Variants in ACSM4 observed in about 807,000 individuals in gnomAD.
ACSM4 encodes acyl-coenzyme A synthetase ACSM4, mitochondrial.
Under a neutral mutation model 73.0 loss-of-function variants are expected in ACSM4, and 66 were observed. The ratio of observed to expected loss-of-function variants is 0.90; its 90% CI spans 0.74 to 1.11. The LOEUF (loss-of-function observed/expected upper bound fraction) is 1.11, where lower values mean the gene tolerates loss of function less well. Among genes scored for constraint, ACSM4 ranks in the 50% least tolerant of loss-of-function variants. The pLI is 0.00. For missense variants in ACSM4, 645 were observed against 714.4 expected, an observed-to-expected ratio of 0.90 and a Z score of 1.11; for synonymous variants, 222 against 254.0, an observed-to-expected ratio of 0.87 and a Z score of 1.20.
chr12:7,309,122 G>A (rs948524327), intron 2 of ACSM4, among the ~76,000 whole-genome samples: 3 of 151,978 alleles, frequency 2.0e-5, no homozygotes, highest in Non-Finnish European at 2.9e-5. Flanking sequence ...AATCTAATTC[G>A]GCCATGTATG....
chr12:7,314,686 T>G (rs1056799912), intron 3 of ACSM4, among the ~76,000 whole-genome samples: 1 of 152,184 alleles, frequency 6.6e-6, no homozygotes, highest in Non-Finnish European at 1.5e-5. Context: ...GTTTCCATAC[T>G]GGATTGAGAA....
rs145331408 is a variant in ACSM4, at chr12:7,322,819, T to A, written c.1125+278T>A. ...AGGTTCAGAACTGAGCAGCTCATCT[T>A]TCCACTGTGCTGGGAATAATCCTCT... On this transcript the variant is annotated intron_variant, in intron 7 of 12. Coordinates refer to ENST00000399422, the MANE Select transcript of ACSM4 (RefSeq NM_001080454.2). Among the ~76,000 whole-genome samples, 447 of 152,290 alleles carry A rather than the reference T, an allele frequency of 2.9e-3. 3 individuals are homozygous for A. Among genetic ancestry groups the A allele is most frequent in the South Asian group, 0.01 (50 of 4,828 alleles).
intron 11 of ACSM4, among the ~76,000 whole-genome samples, chr12:7,326,431 A>G (rs544342060): frequency 2.6e-5 from 4 of 152,144 alleles, no homozygotes; most frequent in Non-Finnish European, 4.4e-5. Flanking sequence ...GCTGGTTTCA[A>G]ACTCCGGGGC....
chr12:7,323,696 C>T, intron 9 of ACSM4, 136 bp downstream of exon 9: 1 of 751,382 alleles, frequency 1.3e-6, no homozygotes, highest in Non-Finnish European at 2.2e-6. Flanking sequence ...TATCATCTGT[C>T]ACCCAAGAGT....
intron 3 of ACSM4, among the ~76,000 whole-genome samples, chr12:7,311,275 C>T (rs6487811): frequency 0.21 from 31,999 of 152,028 alleles, 3,906 homozygotes; most frequent in African/African-American, 0.33. Flanking sequence ...CCTCCCCTCT[C>T]CTGCTCTCTA....
chr12:7,313,836 G>A (rs1396755523), intron 3 of ACSM4, among the ~76,000 whole-genome samples: 2 of 152,152 alleles, frequency 1.3e-5, no homozygotes, highest in Non-Finnish European at 2.9e-5. Flanking sequence ...GCCTGGAAGA[G>A]CAAACAGAGG....
chr12:7,324,526 G>T lies in ACSM4; in HGVS notation c.1464G>T (p.Glu488Asp), dbSNP rs759581917. The change falls in exon 11 of 13, where the codon GAG (glutamate) becomes GAT (aspartate). Residue 488 changes from glutamate to aspartate, a missense_variant. Glu to Asp is a conservative substitution (Grantham distance 45). Coordinates refer to ENST00000399422, the MANE Select transcript of ACSM4 (RefSeq NM_001080454.2). ...SGYRIGPFEV[E>D]SALIEHPAVV... ...ACCGTATTGGGCCATTTGAAGTGGA[G>T]AGTGCACTCATTGAGCATCCAGCAG... 5 of 1,613,986 alleles carry T rather than the reference G, an allele frequency of 3.1e-6. No homozygotes were observed. Among genetic ancestry groups the T allele is most frequent in the Admixed American group, 1.7e-5 (1 of 60,028 alleles).
chr12:7,324,439 CAGGG>C, intron 10 of ACSM4, 39 bp downstream of exon 10: 1 of 1,613,860 alleles, frequency 6.2e-7, no homozygotes, highest in Non-Finnish European at 8.5e-7. Context: ...AACAATTCGA[CAGGG>C]AGGGAGATCT....
rs763976564 is a variant in ACSM4 at position 7,318,084 on chromosome 12, G to A, written c.823G>A (p.Val275Ile). Reference protein sequence around the residue: ...IIWNMSDTGWVKAAIGSVFSS... With the variant: ...IIWNMSDTGWIKAAIGSVFSS... Reference sequence around the variant, plus strand: ...ATGGAATATGTCTGACACGGGCTGGGTCAAGGCCGCCATTGGCAGTGTGTT... The same window carrying A: ...ATGGAATATGTCTGACACGGGCTGGATCAAGGCCGCCATTGGCAGTGTGTT... Residue 275 changes from valine to isoleucine, a missense_variant, in exon 5 of 13, where the codon GTC (valine) becomes ATC (isoleucine). Transcript: ENST00000399422. 20 of 1,613,848 alleles carry A rather than the reference G, an allele frequency of 1.2e-5. No homozygotes were observed. The highest frequency in any genetic ancestry group is 5.5e-5 in the South Asian group (5 of 91,076).
chr12:7,305,156 T>C (rs1946355157), intron 1 of ACSM4, among the ~76,000 whole-genome samples: 3 of 152,178 alleles, frequency 2.0e-5, no homozygotes, highest in Admixed American at 2.0e-4. Flanking sequence ...GGGAAAGCCT[T>C]CCTTGAAAGC....
chr12:7,324,344 C>A lies in ACSM4; in HGVS notation c.1380C>A (p.Asp460Glu). 6.2e-7 allele frequency: 1 copy of A among 1,614,008 alleles called. No homozygotes were observed. The highest frequency in any genetic ancestry group is 8.5e-7 in the Non-Finnish European group (1 of 1,179,976). Residue 460 changes from aspartate (D) to glutamate (E), a missense_variant, in exon 10 of 13, where the codon GAC (aspartate) becomes GAA (glutamate). Transcript: ENST00000399422. ...TCACTGGAGACAGAGGAGTGATGGA[C>A]AGTGATGGGTATTTCTGGTTTGTCG... ...FYVTGDRGVM[D>E]SDGYFWFVGR...
At chr12:7,322,602 A>C in intron 7 of ACSM4, 61 bp downstream of exon 7, 1 of 1,541,000 alleles carries the variant, frequency 6.5e-7, no homozygotes. Context: ...CAGGTTTTTC[A>C]ACTGAGCCCC....
rs73270549 is a variant in ACSM4 at position 7,328,595 on chromosome 12, T to C, written c.*222T>C. 0.016 allele frequency: 5,090 copies of C among 316,598 alleles called. 271 individuals are homozygous for C. Among genetic ancestry groups the C allele is most frequent in the African/African-American group, 0.1 (4,732 of 45,156 alleles). The allele number at this position is 316,598 out of a possible 1,614,324, so 19.6% of individuals were successfully genotyped here. A position where few individuals can be genotyped will look rare whatever the true frequency, so the allele number is the denominator to read the frequency against. Reference sequence around the variant, plus strand: ...GTTATAATGACCAAACTGACAAAGGTAATGATGATGATTTGTAGTGTTTAA... The same window carrying C: ...GTTATAATGACCAAACTGACAAAGGCAATGATGATGATTTGTAGTGTTTAA... On this transcript the variant is annotated 3_prime_UTR_variant, in exon 13 of 13. Transcript: ENST00000399422.
Position 7,318,345 on chromosome 12 carries a change from G to C in ACSM4, c.921+163G>C, listed in dbSNP as rs114781544. On this transcript the variant is annotated intron_variant, in intron 5 of 12. Transcript: ENST00000399422. ...GGGCCTCAGCTTTTGAAACGTATTT[G>C]ACAGAATGGAGGGGGAACAACTGCA... 8.5e-4 allele frequency: 692 copies of C among 814,220 alleles called. 5 individuals carry two copies. The African/African-American group carries it at 9.1e-3, about 11-fold the overall frequency. 50.4% of individuals were successfully genotyped at this position (814,220 alleles called of 1,614,324 possible).
chr12:7,305,255 T>C (rs1406556742), intron 1 of ACSM4, among the ~76,000 whole-genome samples: 1 of 152,236 alleles, frequency 6.6e-6, no homozygotes, highest in East Asian at 1.9e-4. Context: ...TAAAATTTAA[T>C]GGCATAGTTT....
In ACSM4 at chr12:7,314,617, T is replaced by C. The variant is rs140461932; in HGVS notation, c.621-2520T>C. Among the ~76,000 whole-genome samples, 325 of 152,190 alleles carry C rather than the reference T, an allele frequency of 2.1e-3. 2 individuals carry two copies. Among genetic ancestry groups the C allele is most frequent in the African/African-American group, 7.6e-3 (316 of 41,554 alleles). On this transcript the variant is annotated intron_variant, in intron 3 of 12. Transcript: ENST00000399422. The stretch of plus-strand genomic sequence containing the variant: ...GGTAGGTAGATAGATGATAGATAGA[T>C]AGATAGATAGACAGATAGATAGATG...
intron 2 of ACSM4, among the ~76,000 whole-genome samples, chr12:7,308,159 T>C (rs1394225147): frequency 6.6e-6 from 1 of 152,202 alleles, no homozygotes; most frequent in African/African-American, 2.4e-5. Context: ...TCTGCCAATA[T>C]TGAATAAAAA....
At chr12:7,304,670 C>T (rs1024662214) in intron 1 of ACSM4, 138 bp downstream of exon 1, 27 of 935,278 alleles carry the variant, frequency 2.9e-5, no homozygotes, top group Non-Finnish European at 4.2e-5. Context: ...TTTCCAATTG[C>T]CCTCCCCTCT....
intron 11 of ACSM4, among the ~76,000 whole-genome samples, chr12:7,325,356 A>T (rs1003719679): frequency 2.6e-5 from 4 of 152,248 alleles, no homozygotes; most frequent in African/African-American, 9.6e-5. Flanking sequence ...AGACAAATAG[A>T]AAATGGTGGG....
Sources: allele counts gnomAD v4.1 joint callset (sites outside exome capture counted in the v4.1 genomes callset), GRCh38; gene constraint gnomAD v4.1.1; transcripts MANE v1.5; gene names NCBI Gene and HGNC (gene_info 2026-07-23, HGNC 2026-07-21).